Variants in ANXA10 observed in about 807,000 individuals in gnomAD.
ANXA10 encodes the protein annexin A10.
A neutral mutation model predicts 53.5 loss-of-function variants in ANXA10; 49 were observed. The ratio of observed to expected loss-of-function variants is 0.92; its 90% CI spans 0.73 to 1.16. The LOEUF is 1.16. Ranked by LOEUF, ANXA10 falls within the 50% of genes most tolerant of loss-of-function variation. ANXA10 has a pLI of 0.00. For missense variants in ANXA10, 393 were observed against 394.4 expected, an observed-to-expected ratio of 1.00 and a Z score of 0.03; for synonymous variants, 131 against 128.9, an observed-to-expected ratio of 1.02 and a Z score of -0.11.
chr4:168,120,411 T>C (rs1035207389), intron 1 of ANXA10, among the ~76,000 whole-genome samples: 1 of 152,084 alleles, frequency 6.6e-6, no homozygotes, highest in Non-Finnish European at 1.5e-5. Flanking sequence ...GGAAAAATAC[T>C]TGTTAGCAAA....
intron 1 of ANXA10, among the ~76,000 whole-genome samples, chr4:168,110,243 A>T (rs182602454): frequency 6.6e-6 from 1 of 152,228 alleles, no homozygotes; most frequent in East Asian, 1.9e-4. Flanking sequence ...AAAAATAAAA[A>T]TAAATAAACT....
intron 2 of ANXA10, among the ~76,000 whole-genome samples, chr4:168,129,909 T>C (rs1441409482): frequency 6.6e-6 from 1 of 152,178 alleles, no homozygotes; most frequent in East Asian, 1.9e-4. Context: ...TTGTATCTAT[T>C]AACATGTGTA....
intron 3 of ANXA10, among the ~76,000 whole-genome samples, chr4:168,142,213 T>A (rs1234953790): frequency 2.0e-5 from 3 of 152,130 alleles, no homozygotes; most frequent in African/African-American, 7.2e-5. Context: ...CGCTCATGTC[T>A]AGCCATCTGC....
chr4:168,161,758 C>T (rs1162046745), intron 3 of ANXA10, among the ~76,000 whole-genome samples: 2 of 152,078 alleles, frequency 1.3e-5, no homozygotes, highest in Non-Finnish European at 2.9e-5. Context: ...GTTTGTAGCT[C>T]TCCTTGAAGA....
At chr4:168,156,270 T>C (rs1233776228) in intron 3 of ANXA10, among the ~76,000 whole-genome samples, 1 of 35,316 alleles carries the variant, frequency 2.8e-5, no homozygotes, top group Non-Finnish European at 5.1e-5. Flanking sequence ...ATGTATATAT[T>C]ATATATAATA....
intron 3 of ANXA10, among the ~76,000 whole-genome samples, chr4:168,141,166 C>A (rs1464527273): frequency 6.6e-6 from 1 of 152,256 alleles, no homozygotes; most frequent in East Asian, 1.9e-4. Context: ...GTTTGTTAAA[C>A]CCTCAGTTTT....
chr4:168,168,824 T>G (rs1731928699), intron 6 of ANXA10, among the ~76,000 whole-genome samples: 1 of 152,204 alleles, frequency 6.6e-6, no homozygotes, highest in African/African-American at 2.4e-5. Flanking sequence ...AATAGAAAAC[T>G]TATGATGATG....
intron 1 of ANXA10, among the ~76,000 whole-genome samples, chr4:168,111,271 G>A (rs1355793841): frequency 6.6e-6 from 1 of 152,090 alleles, no homozygotes; most frequent in Non-Finnish European, 1.5e-5. Context: ...TTGAGGGTGA[G>A]CAAACACTTA....
At chr4:168,147,856 C>T (rs1731430235) in intron 3 of ANXA10, among the ~76,000 whole-genome samples, 1 of 152,178 alleles carries the variant, frequency 6.6e-6, no homozygotes, top group South Asian at 2.1e-4. Flanking sequence ...CCCACCCTCA[C>T]TCACTTTTTT....
chr4:168,092,853 A>G (rs1730481428), intron 1 of ANXA10, 135 bp downstream of exon 1: 2 of 673,198 alleles, frequency 3.0e-6, no homozygotes, highest in Admixed American at 4.0e-5. Flanking sequence ...CTTTCTTACT[A>G]TTTTATGCCC....
chr4:168,184,840 C>T (rs1732334614), intron 11 of ANXA10, among the ~76,000 whole-genome samples, 159 bp downstream of exon 11: 1 of 152,148 alleles, frequency 6.6e-6, no homozygotes, highest in Non-Finnish European at 1.5e-5. Context: ...TTTAGAACAT[C>T]GGCAGGTGCT....
At chr4:168,134,948 C>T (rs1350478264) in intron 2 of ANXA10, among the ~76,000 whole-genome samples, 1 of 152,166 alleles carries the variant, frequency 6.6e-6, no homozygotes, top group African/African-American at 2.4e-5. Context: ...CCAGGAGGGA[C>T]TTAATTTCAA....
intron 4 of ANXA10, among the ~76,000 whole-genome samples, chr4:168,163,126 A>ATT (rs148068929): frequency 1.4e-5 from 2 of 147,970 alleles, no homozygotes; most frequent in African/African-American, 2.5e-5. Context: ...TTACAGAAAC[A>ATT]TTTTTTTTTT....
At chr4:168,143,889 T>C (rs907170555) in intron 3 of ANXA10, among the ~76,000 whole-genome samples, 15 of 152,048 alleles carry the variant, frequency 9.9e-5, no homozygotes, top group African/African-American at 3.6e-4. Context: ...CTGTTCTCAA[T>C]GGAGCAAACA....
intron 3 of ANXA10, among the ~76,000 whole-genome samples, chr4:168,148,062 A>T (rs953850929): frequency 6.6e-6 from 1 of 152,066 alleles, no homozygotes; most frequent in African/African-American, 2.4e-5. Flanking sequence ...TACTGACCCC[A>T]TGTGTTTCAG....
At chr4:168,149,261 C>T (rs867811731) in intron 3 of ANXA10, among the ~76,000 whole-genome samples, 14 of 152,154 alleles carry the variant, frequency 9.2e-5, no homozygotes, top group Middle Eastern at 3.4e-3. Flanking sequence ...AAAGTCTGTC[C>T]GTCTCATTCA....
chr4:168,155,881 GTT>G (rs1560783979), intron 3 of ANXA10, among the ~76,000 whole-genome samples: 136 of 3,266 alleles, frequency 0.042, 10 homozygotes, highest in African/African-American at 0.12. Flanking sequence ...TATATTATAT[GTT>G]ATATATAATA....
intron 3 of ANXA10, among the ~76,000 whole-genome samples, chr4:168,161,311 TAGAG>T (rs1201894866): frequency 2.0e-5 from 3 of 152,210 alleles, no homozygotes; most frequent in Non-Finnish European, 4.4e-5. Flanking sequence ...ATTTATTAAA[TAGAG>T]AATCTTTTCC....
Position 168,100,170 on chromosome 4 carries a change from C to T in ANXA10, c.18+7452C>T, listed in dbSNP as rs138470805. On this transcript the variant is annotated intron_variant, in intron 1 of 11. Coordinates refer to ENST00000359299, the MANE Select transcript of ANXA10 (RefSeq NM_007193.5). Reference sequence around the variant, plus strand: ...AATTAAAGGCATCAGATTAACTTTTCTTACATTTAGTCATGTTTTTAATCT... The same window carrying T: ...AATTAAAGGCATCAGATTAACTTTTTTTACATTTAGTCATGTTTTTAATCT... 1.2e-3 allele frequency among the ~76,000 whole-genome samples: 180 copies of T among 152,190 alleles called. 2 individuals are homozygous for T. The East Asian group carries it at 0.033, about 27-fold the overall frequency.
Sources: gnomAD v4.1 joint callset for allele counts (sites outside exome capture counted in the v4.1 genomes callset) on GRCh38, gnomAD v4.1.1 for gene constraint, MANE v1.5 for transcripts, NCBI Gene and HGNC (gene_info 2026-07-23, HGNC 2026-07-21) for gene names.